Variants in CHST9 observed in about 807,000 individuals in gnomAD.
CHST9 encodes the protein carbohydrate sulfotransferase 9, also known as GalNAc-4-sulfotransferase 2.
CHST9 carries 41 observed loss-of-function variants against 44.4 expected under a neutral mutation model. That is an observed-to-expected ratio of 0.92 (90% CI 0.72 to 1.20). The LOEUF is 1.20. Ranked by LOEUF, CHST9 falls within the 50% of genes most tolerant of loss-of-function variation. The pLI is 0.00. For missense variants in CHST9, 504 were observed against 516.5 expected (o/e 0.98, Z 0.23); for synonymous variants, 171 against 178.4 (o/e 0.96, Z 0.33).
At chr18:27,158,355 T>C (rs1380942833) in intron 1 of CHST9, among the ~76,000 whole-genome samples, 2 of 151,314 alleles carry the variant, frequency 1.3e-5, no homozygotes, top group Non-Finnish European at 2.9e-5. Context: ...ACATGCAGTG[T>C]TTGGTTTTTT....
intron 4 of CHST9, among the ~76,000 whole-genome samples, chr18:26,948,980 T>C (rs2056204781): frequency 6.6e-6 from 1 of 152,014 alleles, no homozygotes; most frequent in Non-Finnish European, 1.5e-5. Context: ...GCCCAGCCTT[T>C]GGAGATTGTG....
At chr18:27,097,995 A>G (rs2058134290) in intron 2 of CHST9, among the ~76,000 whole-genome samples, 2 of 152,198 alleles carry the variant, frequency 1.3e-5, no homozygotes, top group South Asian at 4.1e-4. Flanking sequence ...GCCTTGTAGT[A>G]TAGTTTGAAG....
intron 1 of CHST9, among the ~76,000 whole-genome samples, chr18:27,160,742 G>C (rs1380609099): frequency 6.6e-6 from 1 of 152,110 alleles, no homozygotes; most frequent in Non-Finnish European, 1.5e-5. Flanking sequence ...TCTGATCCTG[G>C]ACTTTTTTTG....
chr18:26,926,176 T>G (rs75892389), intron 5 of CHST9, among the ~76,000 whole-genome samples: 1,728 of 152,332 alleles, frequency 0.011, 34 homozygotes, highest in African/African-American at 0.04. Context: ...TTTAAAATAT[T>G]TAAACTGCTT....
At chr18:27,053,147 A>AAGAAGAAGAAGG (rs1198289123) in intron 2 of CHST9, among the ~76,000 whole-genome samples, 1 of 138,546 alleles carries the variant, frequency 7.2e-6, no homozygotes, top group African/African-American at 2.7e-5. Flanking sequence ...GAAGAAGAAG[A>AAGAAGAAGAAGG]AGAAGAAGAA....
intron 2 of CHST9, among the ~76,000 whole-genome samples, chr18:27,077,919 G>C (rs2143669761): frequency 6.6e-6 from 1 of 152,224 alleles, no homozygotes; most frequent in South Asian, 2.1e-4. Context: ...TACAATCATG[G>C]AGGAAGGTGA....
intron 2 of CHST9, among the ~76,000 whole-genome samples, chr18:27,059,274 T>C (rs2057693558): frequency 6.6e-6 from 1 of 152,172 alleles, no homozygotes; most frequent in Non-Finnish European, 1.5e-5. Context: ...AACAATGACA[T>C]TAAAATATGT....
chr18:27,070,681 A>G (rs1486870511), intron 2 of CHST9, among the ~76,000 whole-genome samples: 4 of 51,630 alleles, frequency 7.7e-5, no homozygotes, highest in Non-Finnish European at 1.5e-4. Context: ...ACCTTGTCCT[A>G]TGTCACCCCC....
rs191248341 is a variant in CHST9 at position 26,910,264 on chromosome 18, A to C, written c.*5995T>G. 2.6e-5 allele frequency: 4 copies of C among 152,282 alleles called. No individual in the cohort carries two copies. Among genetic ancestry groups the C allele is most frequent in the Admixed American group, 2.6e-4 (4 of 15,286 alleles). 9.4% of individuals were successfully genotyped at this position (152,282 alleles called of 1,614,324 possible). On this transcript the variant is annotated 3_prime_UTR_variant, in exon 6 of 6. Transcript: ENST00000618847. ...AAATACTGTTTGGAGATCCCACTGG[A>C]TATAGGACCAAAGGGCAAGCAGCAC... is the stretch of plus-strand genomic sequence containing the variant.
At chr18:27,018,699 G>A (rs1369748297) in intron 4 of CHST9, among the ~76,000 whole-genome samples, 1 of 152,126 alleles carries the variant, frequency 6.6e-6, no homozygotes, top group Non-Finnish European at 1.5e-5. Flanking sequence ...AGATTTGTAA[G>A]GCTTAATTCT....
At chr18:27,088,684 G>A (rs2058036918) in intron 2 of CHST9, among the ~76,000 whole-genome samples, 1 of 152,150 alleles carries the variant, frequency 6.6e-6, no homozygotes, top group African/African-American at 2.4e-5. Context: ...GAGCCACTGA[G>A]CCTGGCCTAT....
chr18:26,910,478 T>G lies in CHST9; in HGVS notation c.*5781A>C, dbSNP rs1275829042. 1 of 152,110 alleles carries G rather than the reference T, an allele frequency of 6.6e-6. No homozygotes were observed. The highest frequency in any genetic ancestry group is 2.4e-5 in the African/African-American group (1 of 41,402). The allele number at this position is 152,110 out of a possible 1,614,324, so 9.4% of individuals were successfully genotyped here. A position where few individuals can be genotyped will look rare whatever the true frequency, so the allele number is the denominator to read the frequency against. Reference sequence around the variant, plus strand: ...GGCAAGTAAGGTGAATGAGTGATGGTGGATTAGTGAAGAGTGTGAACAACT... The same window carrying G: ...GGCAAGTAAGGTGAATGAGTGATGGGGGATTAGTGAAGAGTGTGAACAACT... On this transcript the variant is annotated 3_prime_UTR_variant, in exon 6 of 6. Transcript: ENST00000618847.
chr18:27,087,699 A>T (rs1463081222), intron 2 of CHST9, among the ~76,000 whole-genome samples: 3 of 152,242 alleles, frequency 2.0e-5, no homozygotes, highest in Non-Finnish European at 4.4e-5. Context: ...GGGGGATTAA[A>T]CTATAAGTAT....
At chr18:27,089,383 G>C (rs922231033) in intron 2 of CHST9, among the ~76,000 whole-genome samples, 1 of 151,504 alleles carries the variant, frequency 6.6e-6, no homozygotes, top group Non-Finnish European at 1.5e-5. Context: ...GAGAATGTGC[G>C]GTGTTTGGTT....
chr18:27,097,291 C>T (rs1300495766), intron 2 of CHST9, among the ~76,000 whole-genome samples: 2 of 152,064 alleles, frequency 1.3e-5, no homozygotes, highest in African/African-American at 4.8e-5. Context: ...CAGCATCATA[C>T]TGAATGTGCA....
rs1235827465 is a variant in CHST9, at chr18:27,024,166, G to C, written c.161-9C>G. 1 of 1,607,910 alleles carries C rather than the reference G, an allele frequency of 6.2e-7. No individual in the cohort carries two copies. Among genetic ancestry groups the C allele is most frequent in the East Asian group, 2.2e-5 (1 of 44,604 alleles). On this transcript the variant is annotated splice_polypyrimidine_tract_variant and intron_variant, in intron 3 of 5. Transcript: ENST00000618847. ...CTTCACTGGTCCCCATCCTGAAAAA[G>C]AAGAGGAAAGAAATTCATATATTAC... is the stretch of plus-strand genomic sequence containing the variant.
chr18:27,019,689 C>CAAAAAAAAAAAAAAAAAAAAAA (rs60043018), intron 4 of CHST9, among the ~76,000 whole-genome samples: 1 of 91,310 alleles, frequency 1.1e-5, no homozygotes, highest in Non-Finnish European at 2.1e-5. Context: ...CACTACATGG[C>CAAAAAAAAAAAAAAAAAAAAAA]AAAAAAAAAA....
rs2055379144 is a variant in CHST9 at position 26,906,920 on chromosome 18, AG to A, written c.*9338del. 6.6e-6 allele frequency: 1 copy of A among 152,304 alleles called. No homozygotes were observed. Among genetic ancestry groups the A allele is most frequent in the Non-Finnish European group, 1.5e-5 (1 of 68,110 alleles). 9.4% of individuals were successfully genotyped at this position (152,304 alleles called of 1,614,324 possible). A position where few individuals can be genotyped will look rare whatever the true frequency, so the allele number is the denominator to read the frequency against. On this transcript the variant is annotated 3_prime_UTR_variant, in exon 6 of 6. Transcript: ENST00000618847. The stretch of plus-strand genomic sequence containing the variant: ...AATGTTAGGGTATTATGTCCATTCT[AG>A]GCTGTTGGAGATTAAGCCAGGAGGC...
intron 2 of CHST9, among the ~76,000 whole-genome samples, chr18:27,113,654 T>C (rs1340959024): frequency 6.6e-6 from 1 of 152,172 alleles, no homozygotes; most frequent in Non-Finnish European, 1.5e-5. Flanking sequence ...GTGCCATCTC[T>C]GAGCTAGAAA....
Sources: allele counts gnomAD v4.1 joint callset (sites outside exome capture counted in the v4.1 genomes callset), GRCh38; gene constraint gnomAD v4.1.1; transcripts MANE v1.5; gene names NCBI Gene and HGNC (gene_info 2026-07-23, HGNC 2026-07-21).